MNAT1: variants seen among roughly 807,000 people sequenced by gnomAD.
The protein encoded by MNAT1 is MNAT1 component of CDK activating kinase, also known as CDK-activating kinase assembly factor MAT1.
Under a neutral mutation model 42.0 loss-of-function variants are expected in MNAT1, and 43 were observed. That is an observed-to-expected ratio of 1.02 (90% CI 0.80 to 1.32). MNAT1 has a LOEUF of 1.32. Ranked by LOEUF, MNAT1 falls within the 40% of genes most tolerant of loss-of-function variation. The pLI is 0.00. For synonymous variants in MNAT1, 118 were observed against 120.0 expected, an observed-to-expected ratio of 0.98 and a Z score of 0.11; for missense variants, 306 against 350.4, an observed-to-expected ratio of 0.87 and a Z score of 1.01.
chr14:60,781,504 G>C (rs1254034060), intron 1 of MNAT1, among the ~76,000 whole-genome samples: 3 of 151,848 alleles, frequency 2.0e-5, no homozygotes, highest in African/African-American at 7.3e-5. Context: ...AGAGATGATG[G>C]GGTCTTGCTG....
chr14:60,797,102 T>C (rs2032043944), intron 2 of MNAT1, among the ~76,000 whole-genome samples: 1 of 152,146 alleles, frequency 6.6e-6, no homozygotes, highest in African/African-American at 2.4e-5. Context: ...TTATCTGTTA[T>C]TATGAGAAAT....
At chr14:60,872,455 A>G (rs1015902722) in intron 6 of MNAT1, among the ~76,000 whole-genome samples, 2 of 151,966 alleles carry the variant, frequency 1.3e-5, no homozygotes, top group South Asian at 2.1e-4. Context: ...TGGTTTTCAC[A>G]TTTTGCTTCC....
chr14:60,940,925 G>T (rs1213858908), intron 7 of MNAT1, among the ~76,000 whole-genome samples: 1 of 152,090 alleles, frequency 6.6e-6, no homozygotes, highest in Non-Finnish European at 1.5e-5. Context: ...TTGAACTTTA[G>T]TCATATATAG....
intron 7 of MNAT1, among the ~76,000 whole-genome samples, chr14:60,889,775 C>G (rs1404358095): frequency 6.6e-6 from 1 of 152,068 alleles, no homozygotes; most frequent in Non-Finnish European, 1.5e-5. Flanking sequence ...ACAACCCCAT[C>G]AAAAAGTGGG....
rs1029437913 is a variant in MNAT1, at chr14:60,876,602, G to A, written c.688-3112G>A. ...CTCTTTCCCATGTTCCTAGTCTATG[G>A]TAACCACTGATCTACTTTCTGTCTC... On this transcript the variant is annotated intron_variant, in intron 6 of 7. Coordinates refer to ENST00000261245, the MANE Select transcript of MNAT1 (RefSeq NM_002431.4). 1.3e-4 allele frequency among the ~76,000 whole-genome samples: 20 copies of A among 151,984 alleles called. No individual in the cohort carries two copies. The South Asian group carries it at 2.3e-3, about 17-fold the overall frequency.
chr14:60,919,361 C>T (rs553955028), intron 7 of MNAT1: 7 of 154,182 alleles, frequency 4.5e-5, no homozygotes, highest in African/African-American at 7.2e-5. Flanking sequence ...AGCTGTCGCA[C>T]GGACTCCCAG....
chr14:60,739,283 T>C (rs948410659), intron 1 of MNAT1, among the ~76,000 whole-genome samples: 7 of 152,190 alleles, frequency 4.6e-5, no homozygotes, highest in Admixed American at 1.3e-4. Context: ...TCTGGTGTTT[T>C]GTAGTGTTAT....
Position 60,748,647 on chromosome 14 carries a change from C to T in MNAT1, c.89+13696C>T, listed in dbSNP as rs142111547. Among the ~76,000 whole-genome samples the T allele has an allele frequency of 2.9e-3, 449 of 152,348 alleles. 4 individuals are homozygous for T. Among genetic ancestry groups the T allele is most frequent in the African/African-American group, 9.9e-3 (410 of 41,588 alleles). ...GTCAGGATCATCAATATCACTGTCT[C>T]CCCTCTCCACGTTTTTTCTCATTGG... On this transcript the variant is annotated intron_variant, in intron 1 of 7. Coordinates refer to ENST00000261245, the MANE Select transcript of MNAT1 (RefSeq NM_002431.4).
intron 7 of MNAT1, among the ~76,000 whole-genome samples, chr14:60,906,826 C>T (rs1218541173): frequency 6.6e-6 from 1 of 152,160 alleles, no homozygotes; most frequent in Non-Finnish European, 1.5e-5. Context: ...TCAAAAATCA[C>T]TGTAATTACT....
At chr14:60,759,213 T>C (rs1462589653) in intron 1 of MNAT1, among the ~76,000 whole-genome samples, 1 of 152,214 alleles carries the variant, frequency 6.6e-6, no homozygotes, top group Non-Finnish European at 1.5e-5. Flanking sequence ...AATGCTACTG[T>C]AATATATGCT....
At chr14:60,942,292 C>T (rs562049109) in intron 7 of MNAT1, among the ~76,000 whole-genome samples, 1 of 152,172 alleles carries the variant, frequency 6.6e-6, no homozygotes, top group African/African-American at 2.4e-5. Flanking sequence ...CACAGGAAAA[C>T]TTGTCATTCT....
intron 6 of MNAT1, among the ~76,000 whole-genome samples, chr14:60,849,745 G>A (rs1332522300): frequency 1.3e-5 from 2 of 152,054 alleles, no homozygotes; most frequent in Non-Finnish European, 2.9e-5. Context: ...CCACCAGTAA[G>A]GAATTTGATA....
At chr14:60,843,266 G>A (rs972868747) in intron 6 of MNAT1, among the ~76,000 whole-genome samples, 6 of 151,652 alleles carry the variant, frequency 4.0e-5, no homozygotes, top group African/African-American at 9.7e-5. Context: ...TTATTCATTC[G>A]TTTGCCTTTT....
At chr14:60,780,240 T>A in intron 1 of MNAT1, 1 of 1,432,448 alleles carries the variant, frequency 7.0e-7, no homozygotes, top group Non-Finnish European at 9.9e-7. Context: ...GTTGTAGTTA[T>A]CTCAAATATT....
intron 7 of MNAT1, among the ~76,000 whole-genome samples, chr14:60,940,892 T>A (rs2036141413): frequency 2.0e-5 from 3 of 150,848 alleles, no homozygotes; most frequent in African/African-American, 4.9e-5. Flanking sequence ...AAGCTCAATT[T>A]AAAAAAAAAG....
In MNAT1 at chr14:60,903,696, C is replaced by T. The variant is rs555888243; in HGVS notation, c.809+23861C>T. 1.6e-4 allele frequency among the ~76,000 whole-genome samples: 24 copies of T among 152,056 alleles called. No homozygotes were observed. The East Asian group carries it at 4.1e-3, about 26-fold the overall frequency. Reference sequence around the variant, plus strand: ...ACATATGAAAGTGTTACTTATATTCCAAAATTTCCATGAGAGAATGTGGCA... The same window carrying T: ...ACATATGAAAGTGTTACTTATATTCTAAAATTTCCATGAGAGAATGTGGCA... On this transcript the variant is annotated intron_variant, in intron 7 of 7. Coordinates refer to ENST00000261245, the MANE Select transcript of MNAT1 (RefSeq NM_002431.4).
In MNAT1 at chr14:60,841,092, T is replaced by C. The variant is rs139824455; in HGVS notation, c.687+22245T>C. ...ATGTCAGTTAGGTCAAGTTACTTGA[T>C]GTTAAAATTTCCTGTTTTCTTACTG... On this transcript the variant is annotated intron_variant, in intron 6 of 7. Coordinates refer to ENST00000261245, the MANE Select transcript of MNAT1 (RefSeq NM_002431.4). 1.7e-3 allele frequency among the ~76,000 whole-genome samples: 263 copies of C among 152,296 alleles called. 1 individual carries two copies. The highest frequency in any genetic ancestry group is 1.0e-2 in the South Asian group (48 of 4,820).
chr14:60,829,595 A>G (rs1450656202), intron 6 of MNAT1, among the ~76,000 whole-genome samples: 1 of 152,202 alleles, frequency 6.6e-6, no homozygotes, highest in African/African-American at 2.4e-5. Flanking sequence ...CTGTCTAGAC[A>G]TGAGCATAGG....
At position 60,968,554 on chromosome 14, in the gene MNAT1, T is replaced by G; in HGVS notation, c.*205T>G. On this transcript the variant is annotated 3_prime_UTR_variant, in exon 8 of 8. Transcript: ENST00000261245. ...TGAAAAATAATTTTTACTTATATTT[T>G]TCAGAGGATTTGACACGATAAGCCT... 7.4e-7 allele frequency: 1 copy of G among 1,352,702 alleles called. No homozygotes were observed. The highest frequency in any genetic ancestry group is 9.9e-7 in the Non-Finnish European group (1 of 1,014,398). The allele number at this position is 1,352,702 out of a possible 1,614,324, so 83.8% of individuals were successfully genotyped here.
Sources: gnomAD v4.1 joint callset for allele counts (sites outside exome capture counted in the v4.1 genomes callset) on GRCh38, gnomAD v4.1.1 for gene constraint, MANE v1.5 for transcripts, NCBI Gene and HGNC (gene_info 2026-07-23, HGNC 2026-07-21) for gene names.